The following CAMSAP2 variants were observed in gnomAD, a reference collection of about 807,000 sequenced individuals.
CAMSAP2 encodes calmodulin regulated spectrin associated protein family member 2.
Under a neutral mutation model 146.1 loss-of-function variants are expected in CAMSAP2, and 26 were observed. The observed-to-expected ratio is 0.18, with a 90% CI of 0.13 to 0.25. The LOEUF is 0.25. Among genes scored for constraint, CAMSAP2 ranks in the 10% least tolerant of loss-of-function variants. The probability of loss-of-function intolerance (pLI) is 1.00; values close to 1 mark genes in which losing one functional copy is unlikely to be tolerated. For missense variants in CAMSAP2, 1,381 were observed against 1,759.3 expected (o/e 0.78, Z 3.85); for synonymous variants, 499 against 596.6 (o/e 0.84, Z 2.38).
chr1:200,850,480 C>T (rs982560482), intron 11 of CAMSAP2, among the ~76,000 whole-genome samples: 2 of 152,144 alleles, frequency 1.3e-5, no homozygotes, highest in African/African-American at 4.8e-5. Context: ...ACTGCTCTTT[C>T]TCACTCACAA....
chr1:200,809,114 C>G (rs1224124482), intron 3 of CAMSAP2, among the ~76,000 whole-genome samples: 3 of 152,134 alleles, frequency 2.0e-5, no homozygotes, highest in Admixed American at 2.0e-4. Flanking sequence ...CCATTTTCCT[C>G]TAATTCTCGG....
intron 11 of CAMSAP2, among the ~76,000 whole-genome samples, 200 bp from the exon 12 acceptor site, chr1:200,852,341 T>C (rs1484430838): frequency 6.6e-6 from 1 of 152,172 alleles, no homozygotes; most frequent in East Asian, 1.9e-4. Flanking sequence ...TAAGTTTGCC[T>C]GTCCTCTTTT....
At chr1:200,845,210 C>T (rs1481332982) in intron 8 of CAMSAP2, among the ~76,000 whole-genome samples, 5 of 150,964 alleles carry the variant, frequency 3.3e-5, no homozygotes, top group African/African-American at 1.2e-4. Flanking sequence ...TCTATTAGGA[C>T]TTTTACATAT....
intron 2 of CAMSAP2, among the ~76,000 whole-genome samples, chr1:200,786,513 A>G (rs1665596669): frequency 6.6e-6 from 1 of 151,886 alleles, no homozygotes; most frequent in African/African-American, 2.4e-5. Context: ...CCTCCTGAGT[A>G]GCTGGAATTA....
rs1406487253 is a variant in CAMSAP2 at position 200,807,556 on chromosome 1, G to C, written c.561+19G>C. The C allele has an allele frequency of 6.7e-7, 1 of 1,493,022 alleles. No homozygotes were observed. Among genetic ancestry groups the C allele is most frequent in the Non-Finnish European group, 9.0e-7 (1 of 1,111,614 alleles). The allele number at this position is 1,493,022 out of a possible 1,614,324, so 92.5% of individuals were successfully genotyped here. ...AAATAAGGTAGGATTATACTCACTTGAGTAAATCGCATCTCATAGCCAGAA... is the reference window on the plus strand; with the variant it reads ...AAATAAGGTAGGATTATACTCACTTCAGTAAATCGCATCTCATAGCCAGAA... On this transcript the variant is annotated intron_variant, in intron 3 of 16. Transcript: ENST00000358823.
chr1:200,781,840 A>C (rs950014862), intron 2 of CAMSAP2, among the ~76,000 whole-genome samples: 3 of 152,244 alleles, frequency 2.0e-5, no homozygotes, highest in Non-Finnish European at 2.9e-5. Context: ...CACTGCCTGT[A>C]ATCTCATGAT....
intron 3 of CAMSAP2, among the ~76,000 whole-genome samples, chr1:200,810,918 A>G (rs556392170): frequency 3.7e-4 from 56 of 152,160 alleles, no homozygotes; most frequent in African/African-American, 1.3e-3. Context: ...GACTTGCTCT[A>G]GTGTCTTCCA....
rs1008225568 is a variant in CAMSAP2 at position 200,738,958 on chromosome 1, T to G, written c.-870T>G. On this transcript the variant is annotated 5_prime_UTR_variant, in exon 1 of 17. Coordinates refer to ENST00000358823, the MANE Select transcript of CAMSAP2 (RefSeq NM_203459.4). The stretch of plus-strand genomic sequence containing the variant: ...AAACCGCAGCGGCGGCGGCGGCGGC[T>G]GAGGGGGAACGATCCAGCGAGCTGC... Among the ~76,000 whole-genome samples the G allele has an allele frequency of 2.7e-5, 3 of 109,434 alleles. No homozygotes were observed. The highest frequency in any genetic ancestry group is 5.6e-5 in the Non-Finnish European group (3 of 53,150). 71.8% of individuals were successfully genotyped at this position (109,434 alleles called of 152,430 possible).
intron 8 of CAMSAP2, among the ~76,000 whole-genome samples, chr1:200,846,539 T>A (rs1303481775): frequency 6.6e-6 from 1 of 152,220 alleles, no homozygotes; most frequent in African/African-American, 2.4e-5. Context: ...TAGCCATTAT[T>A]CTAGGCTATT....
chr1:200,776,220 A>G (rs1379940529), intron 2 of CAMSAP2, among the ~76,000 whole-genome samples: 4 of 152,210 alleles, frequency 2.6e-5, no homozygotes, highest in African/African-American at 9.6e-5. Context: ...TCTTCCATCC[A>G]GCCTTCAGGT....
intron 2 of CAMSAP2, among the ~76,000 whole-genome samples, chr1:200,806,473 A>T (rs984756235): frequency 1.3e-5 from 2 of 152,158 alleles, no homozygotes; most frequent in Non-Finnish European, 2.9e-5. Flanking sequence ...GGTGGGAGAT[A>T]AGTTGGTGTA....
intron 2 of CAMSAP2, among the ~76,000 whole-genome samples, chr1:200,773,284 C>T (rs900231177): frequency 2.4e-4 from 36 of 152,078 alleles, no homozygotes; most frequent in African/African-American, 8.5e-4. Flanking sequence ...GAGACAGTCT[C>T]CCTCTGTTGC....
intron 15 of CAMSAP2, among the ~76,000 whole-genome samples, chr1:200,856,593 C>T (rs1048742154): frequency 6.6e-6 from 1 of 152,070 alleles, no homozygotes; most frequent in Non-Finnish European, 1.5e-5. Flanking sequence ...GGAATAAAAG[C>T]AATGAAGAAT....
chr1:200,758,366 C>T (rs1166796070), intron 1 of CAMSAP2, among the ~76,000 whole-genome samples: 1 of 152,142 alleles, frequency 6.6e-6, no homozygotes, highest in Non-Finnish European at 1.5e-5. Flanking sequence ...TTTCCTTTTA[C>T]AGCTGTTCTA....
intron 2 of CAMSAP2, among the ~76,000 whole-genome samples, chr1:200,779,166 C>G (rs1665365697): frequency 6.6e-6 from 1 of 152,138 alleles, no homozygotes; most frequent in Non-Finnish European, 1.5e-5. Flanking sequence ...TTTTTGAAGG[C>G]TGCACAATAT....
chr1:200,840,334 G>T (rs1667291890), intron 6 of CAMSAP2, among the ~76,000 whole-genome samples: 2 of 152,118 alleles, frequency 1.3e-5, no homozygotes, highest in East Asian at 3.9e-4. Flanking sequence ...ACCCAGGCTG[G>T]AGTGCAGTGG....
intron 4 of CAMSAP2, among the ~76,000 whole-genome samples, chr1:200,817,909 TTA>T (rs1666650287): frequency 6.6e-6 from 1 of 152,196 alleles, no homozygotes; most frequent in African/African-American, 2.4e-5. Context: ...TCACCCCAGA[TTA>T]TGTTTCATTT....
At chr1:200,750,216 G>A (rs1390687928) in intron 1 of CAMSAP2, among the ~76,000 whole-genome samples, 1 of 152,148 alleles carries the variant, frequency 6.6e-6, no homozygotes, top group Non-Finnish European at 1.5e-5. Context: ...ACCAGAACCT[G>A]GAGTCTGAGA....
At chr1:200,801,618 C>T (rs942865140) in intron 2 of CAMSAP2, among the ~76,000 whole-genome samples, 1 of 152,134 alleles carries the variant, frequency 6.6e-6, no homozygotes, top group Non-Finnish European at 1.5e-5. Flanking sequence ...TTCTTGGAGG[C>T]TTTGTTTGTT....
Sources: gnomAD v4.1 joint callset for allele counts (sites outside exome capture counted in the v4.1 genomes callset) on GRCh38, gnomAD v4.1.1 for gene constraint, MANE v1.5 for transcripts, NCBI Gene and HGNC (gene_info 2026-07-23, HGNC 2026-07-21) for gene names.